Variants in FAM227B observed in about 807,000 individuals in gnomAD.
The protein encoded by FAM227B is family with sequence similarity 227 member B.
In FAM227B, 88 loss-of-function variants were observed where a neutral mutation model predicts 73.8. The ratio of observed to expected loss-of-function variants is 1.19; its 90% confidence interval spans 1.00 to 1.42. The LOEUF is 1.42. FAM227B is among the 40% of genes most tolerant of loss of function. The pLI, the probability that FAM227B is intolerant of heterozygous loss-of-function variation, is 0.00. For missense variants in FAM227B, 632 were observed against 590.9 expected, an observed-to-expected ratio of 1.07 and a Z score of -0.72; for synonymous variants, 210 against 190.5, an observed-to-expected ratio of 1.10 and a Z score of -0.84.
intron 11 of FAM227B, among the ~76,000 whole-genome samples, chr15:49,431,559 G>A (rs189125550): frequency 1.3e-5 from 2 of 151,818 alleles, no homozygotes; most frequent in East Asian, 3.9e-4. Context: ...ATACTGGGGA[G>A]AATTGGCTCT....
At chr15:49,393,094 C>T (rs1360024007) in intron 11 of FAM227B, among the ~76,000 whole-genome samples, 2 of 152,132 alleles carry the variant, frequency 1.3e-5, no homozygotes, top group African/African-American at 4.8e-5. Flanking sequence ...TTAATTTAAA[C>T]ATTTAAAACC....
At chr15:49,459,454 CT>C (rs930993767) in intron 11 of FAM227B, among the ~76,000 whole-genome samples, 1 of 151,684 alleles carries the variant, frequency 6.6e-6, no homozygotes, top group Admixed American at 6.6e-5. Flanking sequence ...TCTTTCTTTT[CT>C]TTTTTTTGAG....
At chr15:49,553,126 T>C (rs753702174) in intron 9 of FAM227B, among the ~76,000 whole-genome samples, 1 of 152,232 alleles carries the variant, frequency 6.6e-6, no homozygotes, top group African/African-American at 2.4e-5. Flanking sequence ...TTCCAGATAC[T>C]TGAAAGAGCT....
At chr15:49,405,333 T>C (rs1275769664) in intron 11 of FAM227B, among the ~76,000 whole-genome samples, 1 of 152,198 alleles carries the variant, frequency 6.6e-6, no homozygotes, top group African/African-American at 2.4e-5. Context: ...ATGAATGATA[T>C]CCTGAAATAT....
intron 13 of FAM227B, among the ~76,000 whole-genome samples, chr15:49,355,181 G>A (rs566877673): frequency 1.3e-4 from 20 of 152,176 alleles, no homozygotes; most frequent in Non-Finnish European, 2.6e-4. Flanking sequence ...AAAGCAGAGC[G>A]CCTCTCCTCC....
intron 11 of FAM227B, among the ~76,000 whole-genome samples, chr15:49,408,343 T>A (rs1393263769): frequency 1.3e-5 from 2 of 152,230 alleles, no homozygotes; most frequent in Admixed American, 6.5e-5. Flanking sequence ...GTGCAAATTT[T>A]ATTTTTAGAA....
At chr15:49,548,778 C>T (rs758562347) in intron 9 of FAM227B, among the ~76,000 whole-genome samples, 8 of 152,082 alleles carry the variant, frequency 5.3e-5, no homozygotes, top group Non-Finnish European at 1.2e-4. Flanking sequence ...CTGTCAATTT[C>T]CTCTAGATTT....
At chr15:49,376,898 T>C (rs1286266551) in intron 11 of FAM227B, among the ~76,000 whole-genome samples, 6 of 152,080 alleles carry the variant, frequency 3.9e-5, no homozygotes, top group Admixed American at 3.9e-4. Context: ...TTCTTTTCTA[T>C]TAAAAATGTA....
In FAM227B at chr15:49,518,808, C is replaced by A. The variant is rs537895439; in HGVS notation, c.875-10460G>T. Among the ~76,000 whole-genome samples the A allele has an allele frequency of 8.7e-4, 133 of 152,274 alleles. 5 individuals carry two copies. In the South Asian group the frequency reaches 0.026, roughly 30 times the overall value. On this transcript the variant is annotated intron_variant, in intron 10 of 15. Transcript: ENST00000299338. ...CCATATCATTCCATGCCTGGCCCCT[C>A]CCAAAACTCATGTCCTGACATTTCA...
rs35994302 is a variant in FAM227B, at chr15:49,489,883, TAGAGAG to T, written c.1012+18322_1012+18327del. ...TTTTATATATATATATATATATATA[TAGAGAG>T]AGAGAGAGAGAGAGAGAGAGAGAGA... On this transcript the variant is annotated intron_variant, in intron 11 of 15. Transcript: ENST00000299338. Among the ~76,000 whole-genome samples the T allele has an allele frequency of 2.6e-3, 60 of 22,940 alleles. 4 individuals are homozygous for T. The highest frequency in any genetic ancestry group is 0.038 in the Middle Eastern group (2 of 52). The allele number at this position is 22,940 out of a possible 152,430, so 15.0% of individuals were successfully genotyped here.
chr15:49,444,915 AT>A (rs1731265937), intron 11 of FAM227B, among the ~76,000 whole-genome samples: 1 of 151,686 alleles, frequency 6.6e-6, no homozygotes, highest in Admixed American at 6.6e-5. Context: ...AATACTGGTA[AT>A]TAGAAGCTTT....
chr15:49,553,998 T>C (rs1181569395), intron 9 of FAM227B, among the ~76,000 whole-genome samples: 5 of 152,182 alleles, frequency 3.3e-5, no homozygotes, highest in Non-Finnish European at 7.3e-5. Context: ...TCAAGGGCTC[T>C]TCAGTTAGCA....
chr15:49,497,297 T>A (rs1399006038), intron 11 of FAM227B, among the ~76,000 whole-genome samples: 1 of 152,180 alleles, frequency 6.6e-6, no homozygotes, highest in Non-Finnish European at 1.5e-5. Flanking sequence ...AGTAAATACA[T>A]GATCTGAATC....
At chr15:49,392,196 G>GT (rs2047257171) in intron 11 of FAM227B, among the ~76,000 whole-genome samples, 1 of 152,060 alleles carries the variant, frequency 6.6e-6, no homozygotes, top group Non-Finnish European at 1.5e-5. Context: ...GAAACTTCTA[G>GT]GATGCAAAAG....
chr15:49,448,012 G>C (rs1300935686), intron 11 of FAM227B, among the ~76,000 whole-genome samples: 3 of 151,604 alleles, frequency 2.0e-5, no homozygotes, highest in Non-Finnish European at 4.4e-5. Flanking sequence ...TTTGATTTGA[G>C]AGTTTGAAAT....
chr15:49,559,534 G>T (rs868340134), intron 9 of FAM227B, among the ~76,000 whole-genome samples: 3 of 152,068 alleles, frequency 2.0e-5, no homozygotes, highest in Non-Finnish European at 4.4e-5. Flanking sequence ...ACCAGCCCAC[G>T]GAAGTGCATA....
At chr15:49,372,240 T>C (rs997681304) in intron 11 of FAM227B, among the ~76,000 whole-genome samples, 1 of 150,440 alleles carries the variant, frequency 6.6e-6, no homozygotes, top group Non-Finnish European at 1.5e-5. Flanking sequence ...GAAATAAAAT[T>C]CACTTATAAA....
chr15:49,352,929 T>C (rs1231175572), intron 13 of FAM227B, among the ~76,000 whole-genome samples: 3 of 152,342 alleles, frequency 2.0e-5, no homozygotes, highest in South Asian at 4.1e-4. Flanking sequence ...TGTTCTGTCT[T>C]ACTGCAGTGT....
chr15:49,615,280 G>T, intron 1 of FAM227B, 37 bp from the exon 2 acceptor site: 2 of 893,698 alleles, frequency 2.2e-6, no homozygotes, highest in South Asian at 2.6e-5. Flanking sequence ...AAAAATAAAT[G>T]ACTCAGCCAA....
Sources: gnomAD v4.1 joint callset for allele counts (sites outside exome capture counted in the v4.1 genomes callset) on GRCh38, gnomAD v4.1.1 for gene constraint, MANE v1.5 for transcripts, NCBI Gene and HGNC (gene_info 2026-07-23, HGNC 2026-07-21) for gene names.